TRPM3: variants seen among roughly 807,000 people sequenced by gnomAD.
TRPM3 encodes the protein long transient receptor potential channel 3.
A neutral mutation model predicts 181.2 loss-of-function variants in TRPM3; 77 were observed. That is an observed-to-expected ratio of 0.42 (90% CI 0.35 to 0.51). The LOEUF is 0.51. Among genes scored for constraint, TRPM3 ranks in the 20% least tolerant of loss-of-function variants. The probability of loss-of-function intolerance (pLI) is 0.01; values close to 1 mark genes in which losing one functional copy is unlikely to be tolerated. For synonymous variants in TRPM3, 745 were observed against 796.4 expected (o/e 0.94, Z 1.09); for missense variants, 1,759 against 2,196.7 (o/e 0.80, Z 3.98).
intron 1 of TRPM3, among the ~76,000 whole-genome samples, chr9:71,204,480 C>T (rs1329419812): frequency 6.6e-6 from 1 of 152,110 alleles, no homozygotes; most frequent in Non-Finnish European, 1.5e-5. Context: ...CATCACTGGC[C>T]GTCAGAGAAA....
chr9:70,603,374 T>C lies in TRPM3; in HGVS notation c.2764A>G (p.Ile922Val), dbSNP rs756964584. The change falls in exon 20 of 26, where the codon ATT becomes GTT. Residue 922 changes from isoleucine (I) to valine (V), a missense_variant. By Grantham distance (29) the Ile-to-Val change is conservative. Coordinates refer to ENST00000677713, the MANE Select transcript of TRPM3 (RefSeq NM_001366145.2). ...ATCTTTTCTATTCCCAGGGTGAAAA[T>C]ATAGGAGATTACGATCCATTCCTGG... ...STQEWIVISY[I>V]FTLGIEKMRE... 2 of 1,613,936 alleles carry C rather than the reference T, an allele frequency of 1.2e-6. No individual in the cohort carries two copies. The highest frequency in any genetic ancestry group is 2.2e-5 in the South Asian group (2 of 91,028).
In TRPM3 at chr9:71,084,765, A is replaced by G. The variant is rs1408540027; in HGVS notation, c.177+36413T>C. On this transcript the variant is annotated intron_variant, in intron 1 of 25. Transcript: ENST00000677713. ...CGATGTCATTTTTTGCAGAACTAGG[A>G]AAAAAAAAACTATTCTACAATTCAT... Among the ~76,000 whole-genome samples the G allele has an allele frequency of 2.7e-5, 4 of 148,870 alleles. 1 individual carries two copies. Among genetic ancestry groups the G allele is most frequent in the African/African-American group, 1.0e-4 (4 of 40,028 alleles).
intron 1 of TRPM3, among the ~76,000 whole-genome samples, chr9:71,015,197 G>T (rs1164114896): frequency 2.0e-5 from 3 of 152,068 alleles, no homozygotes; most frequent in Non-Finnish European, 4.4e-5. Flanking sequence ...TAAAATTATT[G>T]TACCTTTAAG....
intron 6 of TRPM3, among the ~76,000 whole-genome samples, chr9:70,813,717 C>T (rs1374862484): frequency 6.6e-6 from 1 of 152,166 alleles, no homozygotes; most frequent in Non-Finnish European, 1.5e-5. Context: ...TACAGAGAGG[C>T]TGTAGAGCAC....
chr9:71,111,151 T>C (rs141275267), intron 1 of TRPM3, among the ~76,000 whole-genome samples: 3 of 152,216 alleles, frequency 2.0e-5, no homozygotes, highest in African/African-American at 7.2e-5. Flanking sequence ...CAAGAGATGA[T>C]TGACAATAAG....
chr9:71,248,325 G>T (rs2082152998), intron 1 of TRPM3, among the ~76,000 whole-genome samples: 1 of 152,188 alleles, frequency 6.6e-6, no homozygotes, highest in Admixed American at 6.5e-5. Context: ...GGAGTTGGCT[G>T]CAGGGCCTCT....
chr9:71,425,159 C>G (rs1454772947), intron 1 of TRPM3, among the ~76,000 whole-genome samples: 1 of 152,098 alleles, frequency 6.6e-6, no homozygotes, highest in African/African-American at 2.4e-5. Flanking sequence ...ATCCACAAGG[C>G]TCTTTCCTAG....
chr9:70,953,316 T>C (rs997662399), intron 1 of TRPM3, among the ~76,000 whole-genome samples: 1 of 152,156 alleles, frequency 6.6e-6, no homozygotes, highest in Non-Finnish European at 1.5e-5. Context: ...ATGAACATTC[T>C]TTCAAATCAA....
At chr9:70,792,328 G>A (rs1229767089) in intron 6 of TRPM3, among the ~76,000 whole-genome samples, 2 of 152,020 alleles carry the variant, frequency 1.3e-5, no homozygotes, top group African/African-American at 4.8e-5. Context: ...CCAACCATGT[G>A]AGGAAGGTAA....
chr9:70,853,577 C>T (rs1184067083), intron 3 of TRPM3, among the ~76,000 whole-genome samples: 2 of 152,112 alleles, frequency 1.3e-5, no homozygotes, highest in Non-Finnish European at 2.9e-5. Flanking sequence ...TTAGTAAGGC[C>T]ACAATAAATA....
rs116436803 is a variant in TRPM3 at position 70,843,509 on chromosome 9, G to A, written c.677-382C>T. On this transcript the variant is annotated intron_variant, in intron 4 of 25. Transcript: ENST00000677713. ...GACTGTGTCATGTTAAAAGCACCAT[G>A]TATAATGGTATGTTAAATCTACACC... Among the ~76,000 whole-genome samples, 958 of 151,792 alleles carry A rather than the reference G, an allele frequency of 6.3e-3. 12 individuals are homozygous for A. Among genetic ancestry groups the A allele is most frequent in the African/African-American group, 0.022 (916 of 41,394 alleles).
At chr9:70,827,798 T>A (rs1213784460) in intron 6 of TRPM3, 49 bp downstream of exon 6, 2 of 1,588,660 alleles carry the variant, frequency 1.3e-6, no homozygotes, top group East Asian at 4.5e-5. Context: ...GTTATTCACT[T>A]TCAGCATACC....
At chr9:70,680,218 C>T (rs1490293370) in intron 9 of TRPM3, among the ~76,000 whole-genome samples, 8 of 152,082 alleles carry the variant, frequency 5.3e-5, no homozygotes, top group East Asian at 1.9e-4. Flanking sequence ...TAACCTTTAG[C>T]GAATTACTTA....
chr9:71,289,182 A>G, intron 1 of TRPM3, among the ~76,000 whole-genome samples: 1 of 152,180 alleles, frequency 6.6e-6, no homozygotes, highest in South Asian at 2.1e-4. Context: ...AGAGAGAGAG[A>G]CAGCAGAAAA....
intron 1 of TRPM3, among the ~76,000 whole-genome samples, chr9:71,351,767 C>T (rs2091638349): frequency 6.6e-6 from 1 of 151,744 alleles, no homozygotes; most frequent in Non-Finnish European, 1.5e-5. Flanking sequence ...TTTTAAATGT[C>T]CTAAATGATA....
At chr9:70,624,358 C>T (rs574192185) in intron 14 of TRPM3, among the ~76,000 whole-genome samples, 1 of 152,238 alleles carries the variant, frequency 6.6e-6, no homozygotes, top group African/African-American at 2.4e-5. Flanking sequence ...CTCACAGGCA[C>T]TATAATAGTA....
chr9:71,402,394 T>C (rs1349662876), intron 1 of TRPM3, among the ~76,000 whole-genome samples: 2 of 152,200 alleles, frequency 1.3e-5, no homozygotes, highest in Non-Finnish European at 2.9e-5. Flanking sequence ...AAATTCTTCT[T>C]TGGGTTTTGG....
chr9:71,270,337 C>T (rs979870826), intron 1 of TRPM3, among the ~76,000 whole-genome samples: 5 of 152,118 alleles, frequency 3.3e-5, no homozygotes, highest in Admixed American at 6.6e-5. Context: ...GCGACAAGAG[C>T]GAGACTCCAT....
At chr9:70,616,118 G>T in intron 17 of TRPM3, 43 bp from the exon 18 acceptor site, 1 of 1,442,688 alleles carries the variant, frequency 6.9e-7, no homozygotes, top group Non-Finnish European at 9.3e-7. Flanking sequence ...ACATTTAAAG[G>T]ATTAAGATTA....
Sources: allele counts gnomAD v4.1 joint callset (sites outside exome capture counted in the v4.1 genomes callset), GRCh38; gene constraint gnomAD v4.1.1; transcripts MANE v1.5; gene names NCBI Gene and HGNC (gene_info 2026-07-23, HGNC 2026-07-21).